Variants in NAV2 observed in about 807,000 individuals in gnomAD.
NAV2 encodes helicase, APC down-regulated 1.
NAV2 carries 54 observed loss-of-function variants against 223.2 expected under a neutral mutation model. That is an observed-to-expected ratio of 0.24 (90% CI 0.19 to 0.30). The LOEUF (loss-of-function observed/expected upper bound fraction) is 0.30. NAV2 is among the 10% of genes least tolerant of loss of function. The pLI is 1.00. For synonymous variants in NAV2, 1,279 were observed against 1,239.3 expected (o/e 1.03, Z -0.67); for missense variants, 2,806 against 3,147.5 (o/e 0.89, Z 2.60).
chr11:19,371,620 G>T (rs1848473307), intron 1 of NAV2, among the ~76,000 whole-genome samples: 1 of 152,116 alleles, frequency 6.6e-6, no homozygotes, highest in East Asian at 1.9e-4. Context: ...GGGAGCTTAA[G>T]AATAACTTAT....
chr11:19,483,262 G>T lies in NAV2; in HGVS notation c.75+132235G>T, dbSNP rs900618539. ...ATGAACAATCCTTAAGTTTTCAATTGCATGTCATTCTGAGTAGTGTGATGA... is the reference window on the plus strand; with the variant it reads ...ATGAACAATCCTTAAGTTTTCAATTTCATGTCATTCTGAGTAGTGTGATGA... On this transcript the variant is annotated intron_variant, in intron 1 of 37. Coordinates refer to the NAV2 transcript ENST00000360655. 3.9e-5 allele frequency among the ~76,000 whole-genome samples: 6 copies of T among 152,310 alleles called. No individual in the cohort carries two copies. In the South Asian group the frequency reaches 1.2e-3, roughly 32 times the overall value.
At chr11:19,685,484 G>A (rs937346801) in intron 1 of NAV2, among the ~76,000 whole-genome samples, 6 of 152,064 alleles carry the variant, frequency 3.9e-5, no homozygotes, top group African/African-American at 7.2e-5. Flanking sequence ...CAAGCTCTGC[G>A]GGCTCCAAGA....
At chr11:19,534,757 T>G (rs938290394) in intron 1 of NAV2, among the ~76,000 whole-genome samples, 1 of 152,140 alleles carries the variant, frequency 6.6e-6, no homozygotes, top group African/African-American at 2.4e-5. Context: ...TGAGAGACCT[T>G]GCATTCCATG....
chr11:19,604,189 C>T (rs531273511), intron 1 of NAV2, among the ~76,000 whole-genome samples: 3 of 152,106 alleles, frequency 2.0e-5, no homozygotes, highest in East Asian at 1.9e-4. Flanking sequence ...GTGACTTAAA[C>T]GTTTTTAAAG....
At chr11:19,465,366 C>T (rs1315008189) in intron 1 of NAV2, among the ~76,000 whole-genome samples, 1 of 152,146 alleles carries the variant, frequency 6.6e-6, no homozygotes, top group Admixed American at 6.5e-5. Context: ...CAGGTAGAGT[C>T]GAATCACAGA....
intron 1 of NAV2, among the ~76,000 whole-genome samples, chr11:19,576,860 G>A (rs2045585429): frequency 6.6e-6 from 1 of 152,232 alleles, no homozygotes; most frequent in Admixed American, 6.5e-5. Context: ...GAATGGATGT[G>A]TCTGTGGCCT....
At chr11:19,350,991 A>G in exon 1 of NAV2, 1 of 1,551,748 alleles carries the variant, frequency 6.4e-7, no homozygotes, top group Non-Finnish European at 8.7e-7. Flanking sequence ...AGCAGAAGAG[A>G]AAGCCAGTTA....
intron 1 of NAV2, among the ~76,000 whole-genome samples, chr11:19,696,049 A>G (rs1590105055): frequency 6.6e-6 from 1 of 152,172 alleles, no homozygotes; most frequent in East Asian, 1.9e-4. Context: ...ACAGGAGAAA[A>G]AGCAAAATGC....
At chr11:20,077,494 C>T in intron 22 of NAV2, 58 bp from the exon 23 acceptor site, 1 of 1,369,276 alleles carries the variant, frequency 7.3e-7, no homozygotes, top group Non-Finnish European at 1.0e-6. Context: ...AGCCAGACAC[C>T]TTCTAAGCAC....
intron 1 of NAV2, among the ~76,000 whole-genome samples, chr11:19,675,160 C>T (rs10500858): frequency 0.025 from 3,821 of 152,258 alleles, 167 homozygotes; most frequent in African/African-American, 0.088. Flanking sequence ...TTGGTCCCAA[C>T]CTTTATTTCC....
chr11:19,942,088 T>C (rs1175318986), intron 8 of NAV2, among the ~76,000 whole-genome samples: 1 of 152,186 alleles, frequency 6.6e-6, no homozygotes, highest in Non-Finnish European at 1.5e-5. Flanking sequence ...TCGCTACAGG[T>C]AGACACTAAA....
intron 1 of NAV2, among the ~76,000 whole-genome samples, chr11:19,520,289 C>T (rs565830838): frequency 3.4e-4 from 52 of 152,370 alleles, no homozygotes; most frequent in African/African-American, 1.1e-3. Context: ...CATTTTCAGG[C>T]ACGCACGGCC....
intron 4 of NAV2, among the ~76,000 whole-genome samples, chr11:19,873,306 A>C (rs562915714): frequency 1.3e-5 from 2 of 152,120 alleles, no homozygotes; most frequent in Non-Finnish European, 2.9e-5. Context: ...GTGACCAAAG[A>C]CAGGCAAATC....
intron 19 of NAV2, among the ~76,000 whole-genome samples, chr11:20,060,345 A>G (rs1243026704): frequency 6.6e-6 from 1 of 152,274 alleles, no homozygotes; most frequent in East Asian, 1.9e-4. Context: ...CGTAAGCTGA[A>G]TTAACTTACC....
At chr11:20,035,395 GA>G (rs763890931) in intron 11 of NAV2, among the ~76,000 whole-genome samples, 5 of 152,198 alleles carry the variant, frequency 3.3e-5, no homozygotes, top group Non-Finnish European at 7.3e-5. Flanking sequence ...GTTGGGAAAT[GA>G]AGAACATCTA....
At chr11:19,775,987 T>C (rs1384572087) in intron 1 of NAV2, among the ~76,000 whole-genome samples, 1 of 152,196 alleles carries the variant, frequency 6.6e-6, no homozygotes, top group Non-Finnish European at 1.5e-5. Context: ...GTTGATCTAA[T>C]TGCCATGTTT....
At chr11:19,781,290 G>A (rs888421645) in intron 1 of NAV2, among the ~76,000 whole-genome samples, 1 of 152,134 alleles carries the variant, frequency 6.6e-6, no homozygotes, top group African/African-American at 2.4e-5. Flanking sequence ...CTGCATGAGC[G>A]TGCAGTATAG....
chr11:19,707,263 T>C (rs1473164499), intron 1 of NAV2, among the ~76,000 whole-genome samples: 1 of 152,224 alleles, frequency 6.6e-6, no homozygotes, highest in East Asian at 1.9e-4. Flanking sequence ...TAACTGTAAC[T>C]TTTTTACTTT....
At chr11:20,007,398 G>GA (rs1192506383) in intron 11 of NAV2, among the ~76,000 whole-genome samples, 2 of 152,268 alleles carry the variant, frequency 1.3e-5, no homozygotes, top group African/African-American at 4.8e-5. Flanking sequence ...TGTGTGAACA[G>GA]AATTTTTCCT....
Sources: gnomAD v4.1 joint callset for allele counts (sites outside exome capture counted in the v4.1 genomes callset) on GRCh38, gnomAD v4.1.1 for gene constraint, MANE v1.5 for transcripts, NCBI Gene and HGNC (gene_info 2026-07-23, HGNC 2026-07-21) for gene names.